BCL7B: variants seen among roughly 807,000 people sequenced by gnomAD.
BCL7B encodes the protein B-cell CLL/lymphoma 7 protein family member B.
Under a neutral mutation model 26.5 loss-of-function variants are expected in BCL7B, and 11 were observed. The observed-to-expected ratio is 0.42, with a 90% CI of 0.26 to 0.69. The LOEUF is 0.69. Among genes scored for constraint, BCL7B ranks in the 30% least tolerant of loss-of-function variants. The pLI, the probability that BCL7B is intolerant of heterozygous loss-of-function variation, is 0.28. For missense variants in BCL7B, 215 were observed against 264.4 expected, an observed-to-expected ratio of 0.81 and a Z score of 1.30; for synonymous variants, 111 against 107.9, an observed-to-expected ratio of 1.03 and a Z score of -0.18.
chr7:73,556,065 T>C (rs551201996), intron 1 of BCL7B, among the ~76,000 whole-genome samples: 1 of 150,952 alleles, frequency 6.6e-6, no homozygotes, highest in African/African-American at 2.4e-5. Context: ...GGGTCAAAAA[T>C]GGGGAGAAGA....
rs782653828 is a variant in BCL7B, at chr7:73,537,939, T to C, written c.511A>G (p.Thr171Ala). 3 of 1,590,214 alleles carry C rather than the reference T, an allele frequency of 1.9e-6. No homozygotes were observed. Among genetic ancestry groups the C allele is most frequent in the East Asian group, 2.3e-5 (1 of 43,556 alleles). The change falls in exon 5 of 6, where the codon ACA (threonine) becomes GCA (alanine). Residue 171 changes from threonine (T) to alanine (A), a missense_variant. Coordinates refer to ENST00000223368, the MANE Select transcript of BCL7B (RefSeq NM_001707.4). Reference sequence around the variant, plus strand: ...AACTCAAAGTGATTGCTTACCTGTGTCTCTAGTGGAACTGGTTCTTCCTTG... The same window carrying C: ...AACTCAAAGTGATTGCTTACCTGTGCCTCTAGTGGAACTGGTTCTTCCTTG... ...LTKEEPVPLE[T>A]QVVEEEEDSG...
rs781821194 is a variant in BCL7B, at chr7:73,552,268, G to A, written c.93-26C>T. ...CTAAAAGAAAGACACTTCTTAGAAC[G>A]GATAAAACAATGCAATGTGTTTTCT... On this transcript the variant is annotated intron_variant, in intron 1 of 5. Transcript: ENST00000223368. 1.5e-5 allele frequency: 24 copies of A among 1,571,362 alleles called. No individual in the cohort carries two copies. In the Middle Eastern group the frequency reaches 5.0e-4, roughly 33 times the overall value.
intron 1 of BCL7B, among the ~76,000 whole-genome samples, chr7:73,552,943 A>G (rs112166362): frequency 6.6e-6 from 1 of 152,084 alleles, no homozygotes; most frequent in Non-Finnish European, 1.5e-5. Context: ...TTTTAGTGAG[A>G]CAGGGTCTCG....
intron 2 of BCL7B, among the ~76,000 whole-genome samples, chr7:73,551,860 CTGAGG>C (rs1405477946): frequency 6.6e-6 from 1 of 152,112 alleles, no homozygotes; most frequent in Non-Finnish European, 1.5e-5. Context: ...CTTTGGGAGG[CTGAGG>C]CAGGTGGGTC....
At chr7:73,552,558 C>T (rs185882112) in intron 1 of BCL7B, among the ~76,000 whole-genome samples, 2 of 151,842 alleles carry the variant, frequency 1.3e-5, no homozygotes. Flanking sequence ...GTGGGCAGAT[C>T]GCTTGAGGTC....
At chr7:73,548,477 T>C (rs1006210527) in intron 2 of BCL7B, among the ~76,000 whole-genome samples, 42 of 151,862 alleles carry the variant, frequency 2.8e-4, no homozygotes, top group African/African-American at 9.9e-4. Context: ...ATTAGCTGGA[T>C]GTGGTGGCAT....
intron 2 of BCL7B, among the ~76,000 whole-genome samples, chr7:73,544,202 C>T (rs1791874802): frequency 6.6e-6 from 1 of 152,060 alleles, no homozygotes; most frequent in Non-Finnish European, 1.5e-5. Context: ...GCATGGATCA[C>T]CTGAGGTCAG....
chr7:73,549,975 G>A (rs1184189220), intron 2 of BCL7B, among the ~76,000 whole-genome samples: 1 of 152,184 alleles, frequency 6.6e-6, no homozygotes, highest in East Asian at 1.9e-4. Flanking sequence ...AGGTCTGCTG[G>A]GGTCTTGGCA....
intron 2 of BCL7B, among the ~76,000 whole-genome samples, chr7:73,547,963 A>T (rs1328040502): frequency 1.3e-5 from 2 of 152,032 alleles, no homozygotes; most frequent in Non-Finnish European, 2.9e-5. Flanking sequence ...ACCAAAAAAT[A>T]CAAAAATTAG....
In BCL7B at chr7:73,537,398, C is replaced by T. The variant is rs1554582265; in HGVS notation, c.517-8G>A. 1 of 1,612,922 alleles carries T rather than the reference C, an allele frequency of 6.2e-7. No homozygotes were observed. The highest frequency in any genetic ancestry group is 1.1e-5 in the South Asian group (1 of 91,050). ...TTCCTCTTCCTCAACGACCTAGGAG[C>T]AGGCAGAGCATGGAATGCCAGGGCC... On this transcript the variant is annotated splice_polypyrimidine_tract_variant and splice_region_variant and intron_variant, in intron 5 of 5. Transcript: ENST00000223368.
chr7:73,545,421 GCCAGGATGGTCTCGATCTCCTGGCT>G (rs1313792075), intron 2 of BCL7B, among the ~76,000 whole-genome samples: 5 of 152,126 alleles, frequency 3.3e-5, no homozygotes, highest in East Asian at 1.9e-4. Flanking sequence ...CACCATGTTA[GCCAGGATGGTCTCGATCTCCTGGCT>G]CCAGGATGGT....
At position 73,539,937 on chromosome 7, in the gene BCL7B, G is replaced by C; in HGVS notation, c.381C>G (p.Ser127=). 6.2e-7 allele frequency: 1 copy of C among 1,614,074 alleles called. No individual in the cohort carries two copies. Residue 127 remains serine (S), a synonymous_variant, in exon 4 of 6, where the codon TCC becomes TCG. Transcript: ENST00000223368. ...GCTGGGAGTCATCCGTGCGGAAGTCGGAGGTGTGTGCTGGGCTCAGGGACT... is the reference window on the plus strand; with the variant it reads ...GCTGGGAGTCATCCGTGCGGAAGTCCGAGGTGTGTGCTGGGCTCAGGGACT... ...QSESLSPAHT[S]DFRTDDSQPP... is the part of the protein sequence containing the mutation.
intron 1 of BCL7B, among the ~76,000 whole-genome samples, chr7:73,552,464 T>C (rs1385358276): frequency 6.6e-6 from 1 of 151,268 alleles, no homozygotes; most frequent in African/African-American, 2.4e-5. Flanking sequence ...CCTGGGCAAT[T>C]TAGCGAGACC....
At chr7:73,541,314 T>A (rs1554582850) in intron 3 of BCL7B, among the ~76,000 whole-genome samples, 1 of 151,956 alleles carries the variant, frequency 6.6e-6, no homozygotes, top group East Asian at 1.9e-4. Context: ...CCTCATCATC[T>A]CCAGCCTGGC....
Position 73,557,588 on chromosome 7 carries a change from G to A in BCL7B, c.-10C>T. The A allele has an allele frequency of 7.0e-6, 9 of 1,291,736 alleles. No homozygotes were observed. The highest frequency in any genetic ancestry group is 8.0e-6 in the Non-Finnish European group (8 of 1,005,876). 80.0% of individuals were successfully genotyped at this position (1,291,736 alleles called of 1,614,324 possible). ...CCGACCGGCCCGACATGGCGGCGGC[G>A]GGAGCGGCGGGGGCCGGGGCACTGC... On this transcript the variant is annotated 5_prime_UTR_variant, in exon 1 of 6. Coordinates refer to ENST00000223368, the MANE Select transcript of BCL7B (RefSeq NM_001707.4).
chr7:73,538,603 C>T (rs1791630114), intron 4 of BCL7B, among the ~76,000 whole-genome samples: 2 of 151,688 alleles, frequency 1.3e-5, no homozygotes, highest in Non-Finnish European at 2.9e-5. Flanking sequence ...CACTTGAAGC[C>T]CAGGAGTTCA....
chr7:73,537,475 A>G (rs968630940), intron 5 of BCL7B, 85 bp from the exon 6 acceptor site: 1 of 982,954 alleles, frequency 1.0e-6, no homozygotes, highest in African/African-American at 1.6e-5. Context: ...TGGGATGTCC[A>G]CTCTGCTCCT....
At chr7:73,557,374 G>A (rs112203790) in intron 1 of BCL7B, 113 bp downstream of exon 1, 71,024 of 1,045,766 alleles carry the variant, frequency 0.068, 2,429 homozygotes, top group Non-Finnish European at 0.076. Flanking sequence ...GCCTTCTCCC[G>A]CACCCCCCTC....
At chr7:73,556,602 A>G (rs1792368824) in intron 1 of BCL7B, among the ~76,000 whole-genome samples, 5 of 152,156 alleles carry the variant, frequency 3.3e-5, no homozygotes, top group Admixed American at 3.3e-4. Context: ...TCCGGATACT[A>G]AACAGGGGCT....
Sources: allele counts gnomAD v4.1 joint callset (sites outside exome capture counted in the v4.1 genomes callset), GRCh38; gene constraint gnomAD v4.1.1; transcripts MANE v1.5; gene names NCBI Gene and HGNC (gene_info 2026-07-23, HGNC 2026-07-21).